HIVEP3: variants seen among roughly 807,000 people sequenced by gnomAD.
HIVEP3 encodes the protein transcription factor HIVEP3.
HIVEP3 carries 49 observed loss-of-function variants against 152.8 expected under a neutral mutation model. The ratio of observed to expected loss-of-function variants is 0.32; its 90% CI spans 0.26 to 0.41. HIVEP3 has a LOEUF of 0.41. Ranked by LOEUF, HIVEP3 falls within the 10% of genes least tolerant of loss-of-function variation. HIVEP3 has a pLI of 1.00. For missense variants in HIVEP3, 2,790 were observed against 3,103.3 expected, an observed-to-expected ratio of 0.90 and a Z score of 2.40; for synonymous variants, 1,269 against 1,289.0, an observed-to-expected ratio of 0.98 and a Z score of 0.33.
At chr1:41,897,670 T>G (rs1037327874) in intron 1 of HIVEP3, among the ~76,000 whole-genome samples, 1 of 152,018 alleles carries the variant, frequency 6.6e-6, no homozygotes, top group Non-Finnish European at 1.5e-5. Flanking sequence ...GATCAGATAT[T>G]GAGGATGGAG....
chr1:41,510,417 C>T lies in HIVEP3; in HGVS notation c.*34G>A. 7.0e-7 allele frequency: 1 copy of T among 1,436,898 alleles called. No individual in the cohort carries two copies. Among genetic ancestry groups the T allele is most frequent in the Non-Finnish European group, 9.2e-7 (1 of 1,091,534 alleles). The allele number at this position is 1,436,898 out of a possible 1,614,324, so 89.0% of individuals were successfully genotyped here. On this transcript the variant is annotated 3_prime_UTR_variant, in exon 9 of 9. Coordinates refer to ENST00000372583, the MANE Select transcript of HIVEP3 (RefSeq NM_024503.5). ...GGCTGGAAACGTCTGTTGCTGGACA[C>T]TGGAAGCCAGATGCTGAAGCAGTTG...
chr1:41,537,962 G>A (rs543505688), intron 5 of HIVEP3, among the ~76,000 whole-genome samples: 10 of 152,336 alleles, frequency 6.6e-5, no homozygotes, highest in African/African-American at 1.9e-4. Flanking sequence ...TGAGCCTGGC[G>A]CTGGGCCAGG....
chr1:41,550,772 T>C (rs1411792382), intron 5 of HIVEP3, among the ~76,000 whole-genome samples: 1 of 152,258 alleles, frequency 6.6e-6, no homozygotes, highest in Admixed American at 6.5e-5. Context: ...AAGGAGATTT[T>C]GGGCTGAGAT....
chr1:41,734,248 C>T (rs1199802714), intron 1 of HIVEP3, among the ~76,000 whole-genome samples: 1 of 152,210 alleles, frequency 6.6e-6, no homozygotes, highest in Admixed American at 6.5e-5. Flanking sequence ...TGAGTTGCTG[C>T]CACCTATTCT....
In HIVEP3 at chr1:41,582,687, C is replaced by T. The variant is rs1171567826; in HGVS notation, c.2111G>A (p.Gly704Glu). The change falls in exon 4 of 9, where the codon GGA becomes GAA. Residue 704 changes from glycine (G) to glutamate (E), a missense_variant. By Grantham distance (98) the Gly-to-Glu change is moderately conservative. This residue lies in a region of HIVEP3 where 339 missense variants were observed against 327.0 expected (regional missense o/e 1.04). Coordinates refer to ENST00000372583, the MANE Select transcript of HIVEP3 (RefSeq NM_024503.5). The surrounding 1 kb of genome is among the most constrained non-coding windows in gnomAD (Gnocchi z 4.7). ...CAGTGGAGTGAGTTCCAGGGTGGTT[C>T]CCAGTTTGTAATGCATCATTTGGGA... ...PWSQMMHYKLGTTLELTPLRK... is the reference protein window; with the variant it reads ...PWSQMMHYKLETTLELTPLRK... 3 of 1,614,104 alleles carry T rather than the reference C, an allele frequency of 1.9e-6. No homozygotes were observed. The highest frequency in any genetic ancestry group is 2.2e-5 in the South Asian group (2 of 91,076).
At chr1:41,952,355 T>C (rs1398052053) in intron 1 of HIVEP3, among the ~76,000 whole-genome samples, 1 of 152,184 alleles carries the variant, frequency 6.6e-6, no homozygotes, top group Non-Finnish European at 1.5e-5. Context: ...TGATTCCTAG[T>C]TGTCTCTCCA....
At chr1:41,613,331 C>T (rs373019883) in intron 3 of HIVEP3, among the ~76,000 whole-genome samples, 22 of 152,218 alleles carry the variant, frequency 1.4e-4, no homozygotes, top group African/African-American at 4.3e-4. Flanking sequence ...TACTTTGGAA[C>T]GCGTGGGGCG....
At chr1:41,556,113 T>C (rs1305499685) in intron 5 of HIVEP3, among the ~76,000 whole-genome samples, 1 of 152,232 alleles carries the variant, frequency 6.6e-6, no homozygotes, top group African/African-American at 2.4e-5. Context: ...AATATCTGAG[T>C]TCCTGATTTC....
intron 1 of HIVEP3, among the ~76,000 whole-genome samples, chr1:41,801,900 G>A (rs1326656976): frequency 6.6e-6 from 1 of 152,178 alleles, no homozygotes; most frequent in African/African-American, 2.4e-5. Context: ...GACAATGAGG[G>A]AATTGCAGGA....
intron 1 of HIVEP3, among the ~76,000 whole-genome samples, chr1:41,760,235 TA>T (rs1416691219): frequency 6.6e-6 from 1 of 152,190 alleles, no homozygotes; most frequent in African/African-American, 2.4e-5. Context: ...ACTCTAGTGT[TA>T]AAACAGTCAA....
intron 1 of HIVEP3, among the ~76,000 whole-genome samples, chr1:41,824,820 A>AGAGAC (rs1558302486): frequency 1.0e-4 from 1 of 9,734 alleles, no homozygotes. Context: ...GAGAGAGAGA[A>AGAGAC]AGAGAGAGAG....
intron 5 of HIVEP3, among the ~76,000 whole-genome samples, chr1:41,536,892 T>A (rs1467547502): frequency 6.6e-6 from 1 of 152,128 alleles, no homozygotes; most frequent in East Asian, 1.9e-4. Flanking sequence ...CACAGCCAGT[T>A]AATGGAGTCA....
chr1:41,741,707 A>C (rs1334135438), intron 1 of HIVEP3, among the ~76,000 whole-genome samples: 2 of 152,230 alleles, frequency 1.3e-5, no homozygotes, highest in Non-Finnish European at 2.9e-5. Context: ...CGGGATGAGA[A>C]GGGGCTGTGG....
In HIVEP3 at chr1:41,511,855, G is replaced by A. The variant is rs1044269456; in HGVS notation, c.6406-589C>T. On this transcript the variant is annotated intron_variant, in intron 8 of 8. Transcript: ENST00000372583. The surrounding 1 kb of genome is among the most constrained non-coding windows in gnomAD (Gnocchi z 4.9). Reference sequence around the variant, plus strand: ...ATGGTGCTATCGGTGGAGGGGTCATGGCAGCTGAGGGGACAGGGATGGTGA... The same window carrying A: ...ATGGTGCTATCGGTGGAGGGGTCATAGCAGCTGAGGGGACAGGGATGGTGA... Among the ~76,000 whole-genome samples the A allele has an allele frequency of 1.3e-5, 2 of 152,224 alleles. No individual in the cohort carries two copies. Among genetic ancestry groups the A allele is most frequent in the Non-Finnish European group, 2.9e-5 (2 of 68,038 alleles).
intron 1 of HIVEP3, among the ~76,000 whole-genome samples, chr1:42,025,145 C>T (rs530982934): frequency 1.5e-4 from 23 of 152,300 alleles, no homozygotes; most frequent in Admixed American, 2.6e-4. Flanking sequence ...CAATTAAATG[C>T]GTGTTAGATC....
In HIVEP3 at chr1:41,511,261, C is replaced by A; in HGVS notation, c.6411G>T (p.Lys2137Asn). The change falls in exon 9 of 9, where the codon AAG becomes AAT. Residue 2137 changes from lysine (K) to asparagine (N), a missense_variant. By Grantham distance (94) the Lys-to-Asn change is moderately conservative. Transcript: ENST00000372583. This position sits in a 1 kb window ranked among gnomAD's most constrained non-coding sequence, Gnocchi z 4.9. ...SPETCASPWQ[K>N]AESRSPSCSP... Reference sequence around the variant, plus strand: ...AGCAGGAGGGACTTCGGGACTCGGCCTTCTGCTGGGGTCAGAAAACAAGAC... The same window carrying A: ...AGCAGGAGGGACTTCGGGACTCGGCATTCTGCTGGGGTCAGAAAACAAGAC... 2.5e-6 allele frequency: 4 copies of A among 1,600,420 alleles called. No individual in the cohort carries two copies. Among genetic ancestry groups the A allele is most frequent in the Non-Finnish European group, 3.4e-6 (4 of 1,172,580 alleles).
At chr1:41,672,832 C>T (rs1046753243) in intron 2 of HIVEP3, among the ~76,000 whole-genome samples, 31 of 152,116 alleles carry the variant, frequency 2.0e-4, no homozygotes, top group Admixed American at 2.0e-3. Flanking sequence ...CCTGGATTCC[C>T]TTGAGAAAGA....
At chr1:41,747,463 C>A (rs1274071908) in intron 1 of HIVEP3, among the ~76,000 whole-genome samples, 2 of 152,150 alleles carry the variant, frequency 1.3e-5, no homozygotes, top group Non-Finnish European at 2.9e-5. Context: ...GGAAAGAATC[C>A]ATTTTTTCCT....
At chr1:41,797,480 G>C (rs1319765358) in intron 1 of HIVEP3, among the ~76,000 whole-genome samples, 2 of 152,116 alleles carry the variant, frequency 1.3e-5, no homozygotes, top group Non-Finnish European at 2.9e-5. Context: ...AGGAAAGACG[G>C]CTTTTAAATT....
Sources: gnomAD v4.1 joint callset for allele counts (sites outside exome capture counted in the v4.1 genomes callset) on GRCh38, gnomAD v4.1.1 for gene constraint, gnomAD v4.1.1 regional missense constraint, Gnocchi (gnomAD v3.1) non-coding constraint, MANE v1.5 for transcripts, NCBI Gene and HGNC (gene_info 2026-07-23, HGNC 2026-07-21) for gene names.